Variants in OXTR observed in about 807,000 individuals in gnomAD.
OXTR encodes the protein oxytocin receptor.
A neutral mutation model predicts 23.9 loss-of-function variants in OXTR; 19 were observed. The ratio of observed to expected loss-of-function variants is 0.80; its 90% CI spans 0.56 to 1.17. The LOEUF is 1.17. Among genes scored for constraint, OXTR ranks in the 50% most tolerant of loss-of-function variants. The probability of loss-of-function intolerance (pLI) is 0.00; values close to 1 mark genes in which losing one functional copy is unlikely to be tolerated. For missense variants in OXTR, 500 were observed against 550.7 expected (o/e 0.91, Z 0.92); for synonymous variants, 278 against 250.5 (o/e 1.11, Z -1.04).
chr3:8,763,560 C>T (rs760453867), intron 3 of OXTR, among the ~76,000 whole-genome samples: 2 of 152,216 alleles, frequency 1.3e-5, no homozygotes, highest in Non-Finnish European at 2.9e-5. Context: ...AGAGCCCCTG[C>T]AATCAGCATA....
chr3:8,763,295 C>G (rs1575489134), intron 3 of OXTR, among the ~76,000 whole-genome samples: 1 of 152,178 alleles, frequency 6.6e-6, no homozygotes, highest in East Asian at 1.9e-4. Context: ...CACATCAACC[C>G]CAGGCAGTGA....
chr3:8,766,248 G>A (rs1575490592), intron 3 of OXTR, among the ~76,000 whole-genome samples: 1 of 152,264 alleles, frequency 6.6e-6, no homozygotes, highest in African/African-American at 2.4e-5. Flanking sequence ...GGGGTTGGGG[G>A]GCAGGGAGTG....
rs1285644278 is a variant in OXTR at position 8,750,871 on chromosome 3, G to A, written c.*2106C>T. On this transcript the variant is annotated 3_prime_UTR_variant, in exon 4 of 4. Transcript: ENST00000316793. Reference sequence around the variant, plus strand: ...TGTACAAGTTTTTGTGTGTATGTACGTTTTCATTTCTCTTGGGTAAATACC... The same window carrying A: ...TGTACAAGTTTTTGTGTGTATGTACATTTTCATTTCTCTTGGGTAAATACC... 2.0e-5 allele frequency: 3 copies of A among 152,106 alleles called. No homozygotes were observed. Among genetic ancestry groups the A allele is most frequent in the Admixed American group, 6.6e-5 (1 of 15,256 alleles). 9.4% of individuals were successfully genotyped at this position (152,106 alleles called of 1,614,324 possible). A position where few individuals can be genotyped will look rare whatever the true frequency, so the allele number is the denominator to read the frequency against.
At position 8,753,358 on chromosome 3, in the gene OXTR, G is replaced by A. The variant is rs971867113; in HGVS notation, c.923-134C>T. 2.7e-6 allele frequency: 3 copies of A among 1,114,940 alleles called. No homozygotes were observed. The East Asian group carries it at 7.8e-5, about 29-fold the overall frequency. 69.1% of individuals were successfully genotyped at this position (1,114,940 alleles called of 1,614,324 possible). A position where few individuals can be genotyped will look rare whatever the true frequency, so the allele number is the denominator to read the frequency against. The stretch of plus-strand genomic sequence containing the variant: ...AGTACTACATCCTGAATCACAAGAT[G>A]AGGTACTAAAGAGGCAAAGTTTGTC... On this transcript the variant is annotated intron_variant, in intron 3 of 3. Coordinates refer to ENST00000316793, the MANE Select transcript of OXTR (RefSeq NM_000916.4).
chr3:8,753,760 TACAC>T (rs1332715136), intron 3 of OXTR, among the ~76,000 whole-genome samples: 1 of 152,144 alleles, frequency 6.6e-6, no homozygotes, highest in Non-Finnish European at 1.5e-5. Context: ...GAGTGCCTGG[TACAC>T]AGTGGGTGCC....
the OXTR span, among the ~76,000 whole-genome samples, chr3:8,743,855 G>A: frequency 6.6e-6 from 1 of 152,222 alleles, no homozygotes; most frequent in Non-Finnish European, 1.5e-5. Context: ...TTTAGTAATA[G>A]AGAAGTACAA....
chr3:8,755,104 C>T lies in OXTR; in HGVS notation c.923-1880G>A, dbSNP rs565679824. On this transcript the variant is annotated intron_variant, in intron 3 of 3. Transcript: ENST00000316793. Reference sequence around the variant, plus strand: ...TAGAAACTCTGATGGAATATTTCACCAACAAAATTGAAATTCACCCACAAG... The same window carrying T: ...TAGAAACTCTGATGGAATATTTCACTAACAAAATTGAAATTCACCCACAAG... 4.6e-5 allele frequency among the ~76,000 whole-genome samples: 7 copies of T among 152,084 alleles called. No individual in the cohort carries two copies. The South Asian group carries it at 1.5e-3, about 32-fold the overall frequency.
Position 8,750,402 on chromosome 3 carries a change from ATTTT to A in OXTR, c.*2571_*2574del, listed in dbSNP as rs987406507. The A allele has an allele frequency of 6.6e-6, 1 of 151,980 alleles. No individual in the cohort carries two copies. Among genetic ancestry groups the A allele is most frequent in the African/African-American group, 2.4e-5 (1 of 41,340 alleles). The allele number at this position is 151,980 out of a possible 1,614,324, so 9.4% of individuals were successfully genotyped here. A position where few individuals can be genotyped will look rare whatever the true frequency, so the allele number is the denominator to read the frequency against. On this transcript the variant is annotated 3_prime_UTR_variant, in exon 4 of 4. Transcript: ENST00000316793. ...GGCCTTCTCTGAATTCATCTGTTGA[ATTTT>A]TTTTGTTTATTTTTATTTTTTAAAG...
At chr3:8,765,832 A>G (rs867980436) in intron 3 of OXTR, among the ~76,000 whole-genome samples, 1 of 152,218 alleles carries the variant, frequency 6.6e-6, no homozygotes, top group African/African-American at 2.4e-5. Flanking sequence ...AGTTGTTACC[A>G]GGGGCCACAG....
At chr3:8,749,346 C>T (rs2124990826), downstream of OXTR, among the ~76,000 whole-genome samples, 3 of 152,272 alleles carry the variant, frequency 2.0e-5, no homozygotes, top group East Asian at 5.8e-4. Flanking sequence ...TTCTGATGCC[C>T]AAGAGTCTTA....
chr3:8,754,288 A>G (rs1313168153), intron 3 of OXTR, among the ~76,000 whole-genome samples: 1 of 152,362 alleles, frequency 6.6e-6, no homozygotes, highest in East Asian at 1.9e-4. Context: ...AGGTACTTCC[A>G]AGCACGGGGA....
chr3:8,759,943 A>G lies in OXTR; in HGVS notation c.923-6719T>C, dbSNP rs564560436. Among the ~76,000 whole-genome samples the G allele has an allele frequency of 7.2e-5, 11 of 152,278 alleles. No individual in the cohort carries two copies. The East Asian group carries it at 2.1e-3, about 29-fold the overall frequency. On this transcript the variant is annotated intron_variant, in intron 3 of 3. Transcript: ENST00000316793. Reference sequence around the variant, plus strand: ...CAAGACCCAGCCTAGGGTACCTCTAAACCAGAGCTAGAACCTTCCAACTGG... The same window carrying G: ...CAAGACCCAGCCTAGGGTACCTCTAGACCAGAGCTAGAACCTTCCAACTGG...
chr3:8,753,902 G>A (rs561798508), intron 3 of OXTR, among the ~76,000 whole-genome samples: 70 of 152,286 alleles, frequency 4.6e-4, no homozygotes, highest in Non-Finnish European at 7.2e-4. Context: ...AGTCATGGCT[G>A]GCCCCACAAA....
rs560729261 is a variant in OXTR at position 8,753,236 on chromosome 3, G to A, written c.923-12C>T. ...GATGAAGGCCGAGGCTGAGGGGGTG[G>A]GGGCAGGAGAAAGGAGAAAAGGGCA... On this transcript the variant is annotated splice_polypyrimidine_tract_variant and intron_variant, in intron 3 of 3. Coordinates refer to ENST00000316793, the MANE Select transcript of OXTR (RefSeq NM_000916.4). 1 of 1,613,762 alleles carries A rather than the reference G, an allele frequency of 6.2e-7. No homozygotes were observed. The highest frequency in any genetic ancestry group is 1.3e-5 in the African/African-American group (1 of 75,004).
intron 3 of OXTR, among the ~76,000 whole-genome samples, chr3:8,765,745 G>A (rs1310445358): frequency 2.0e-5 from 3 of 152,148 alleles, no homozygotes; most frequent in Non-Finnish European, 4.4e-5. Flanking sequence ...CATAGGAAAC[G>A]TCAGCTGTGC....
chr3:8,741,283 C>G, the OXTR span, among the ~76,000 whole-genome samples: 1 of 152,174 alleles, frequency 6.6e-6, no homozygotes, highest in Admixed American at 6.5e-5. Flanking sequence ...GTTACAAGCA[C>G]CAATGTTTAT....
chr3:8,744,992 A>C, the OXTR span: 1 of 155,926 alleles, frequency 6.4e-6, no homozygotes, highest in African/African-American at 2.4e-5. Context: ...TGGGGCGATG[A>C]TATGGTCTGG....
intron 3 of OXTR, among the ~76,000 whole-genome samples, chr3:8,762,356 G>T (rs934802377): frequency 6.6e-6 from 1 of 152,128 alleles, no homozygotes; most frequent in East Asian, 1.9e-4. Flanking sequence ...TCAAACCTTT[G>T]GGGGGAAAAG....
the OXTR span, among the ~76,000 whole-genome samples, chr3:8,744,692 C>A: frequency 3.3e-5 from 5 of 152,244 alleles, no homozygotes; most frequent in African/African-American, 1.2e-4. Context: ...ATGTGAGGAA[C>A]CTCTGCCTGT....
Sources: gnomAD v4.1 joint callset for allele counts (sites outside exome capture counted in the v4.1 genomes callset) on GRCh38, gnomAD v4.1.1 for gene constraint, MANE v1.5 for transcripts, NCBI Gene and HGNC (gene_info 2026-07-23, HGNC 2026-07-21) for gene names.